ITIH5: variants seen among roughly 807,000 people sequenced by gnomAD.
ITIH5 encodes the protein inter-alpha-trypsin inhibitor heavy chain 5, also known as inter-alpha-trypsin inhibitor heavy chain H5.
Under a neutral mutation model 77.5 loss-of-function variants are expected in ITIH5, and 65 were observed. That is an observed-to-expected ratio of 0.84 (90% CI 0.69 to 1.03). The LOEUF (loss-of-function observed/expected upper bound fraction) is 1.03. ITIH5 is among the 50% of genes least tolerant of loss of function. The probability of loss-of-function intolerance (pLI) is 0.00; values close to 1 mark genes in which losing one functional copy is unlikely to be tolerated. For missense variants in ITIH5, 1,208 were observed against 1,213.1 expected, an observed-to-expected ratio of 1.00 and a Z score of 0.06; for synonymous variants, 525 against 494.3, an observed-to-expected ratio of 1.06 and a Z score of -0.82.
At chr10:7,573,440 G>T (rs1220820317) in intron 10 of ITIH5, among the ~76,000 whole-genome samples, 1 of 151,844 alleles carries the variant, frequency 6.6e-6, no homozygotes, top group Non-Finnish European at 1.5e-5. Context: ...GCCAAGGTGG[G>T]AGGATCACTG....
chr10:7,599,573 C>T (rs777679658), intron 7 of ITIH5, among the ~76,000 whole-genome samples: 1 of 152,182 alleles, frequency 6.6e-6, no homozygotes, highest in Non-Finnish European at 1.5e-5. Context: ...CTCCATCTGC[C>T]TTTGACCTGA....
intron 7 of ITIH5, among the ~76,000 whole-genome samples, chr10:7,599,954 A>G (rs1396153346): frequency 6.6e-6 from 1 of 152,196 alleles, no homozygotes; most frequent in Non-Finnish European, 1.5e-5. Flanking sequence ...GGAAGAAATT[A>G]TAAAAACGGG....
At chr10:7,629,225 G>A (rs72478284) in intron 5 of ITIH5, among the ~76,000 whole-genome samples, 26,174 of 122,908 alleles carry the variant, frequency 0.21, 5,235 homozygotes, top group South Asian at 0.34. Context: ...CTGTTGTAGC[G>A]TGTGCCCATG....
chr10:7,648,269 C>T (rs561698779), intron 2 of ITIH5, among the ~76,000 whole-genome samples: 5 of 151,162 alleles, frequency 3.3e-5, no homozygotes, highest in African/African-American at 1.2e-4. Flanking sequence ...AACACAGAGA[C>T]ACCCTGGCTA....
chr10:7,565,875 CACAT>C (rs959403487), intron 13 of ITIH5, among the ~76,000 whole-genome samples, 151 bp downstream of exon 13: 5 of 151,398 alleles, frequency 3.3e-5, no homozygotes, highest in Non-Finnish European at 4.4e-5. Flanking sequence ...TGTACACACA[CACAT>C]ACATACATAC....
intron 7 of ITIH5, among the ~76,000 whole-genome samples, chr10:7,588,656 C>A (rs1588378636): frequency 6.6e-6 from 1 of 152,272 alleles, no homozygotes. Flanking sequence ...ACTTTCCCAG[C>A]ACTTCTTCAT....
chr10:7,586,148 C>A (rs1348943511), intron 7 of ITIH5, 79 bp from the exon 8 acceptor site: 4 of 1,188,422 alleles, frequency 3.4e-6, no homozygotes, highest in Admixed American at 3.3e-5. Flanking sequence ...ACCGCCCCCG[C>A]CCCCCAGGAA....
rs185711804 is a variant in ITIH5, at chr10:7,640,176, G to A, written c.401+578C>T. 7.5e-3 allele frequency among the ~76,000 whole-genome samples: 875 copies of A among 116,322 alleles called. 3 individuals are homozygous for A. The highest frequency in any genetic ancestry group is 0.013 in the Non-Finnish European group (697 of 53,542). The allele number at this position is 116,322 out of a possible 152,430, so 76.3% of individuals were successfully genotyped here. A position where few individuals can be genotyped will look rare whatever the true frequency, so the allele number is the denominator to read the frequency against. The stretch of plus-strand genomic sequence containing the variant: ...AAAAAAAAAAAAAAAAAAAAACTAC[G>A]TACAGGCCAGGCATAGTGGCTCACA... On this transcript the variant is annotated intron_variant, in intron 4 of 13. Transcript: ENST00000397146.
intron 2 of ITIH5, among the ~76,000 whole-genome samples, chr10:7,642,790 T>C (rs1833911009): frequency 6.6e-6 from 1 of 152,204 alleles, no homozygotes; most frequent in Non-Finnish European, 1.5e-5. Flanking sequence ...ACAACAGAGC[T>C]ACATCTGGTG....
At chr10:7,591,936 T>C (rs1024359444) in intron 7 of ITIH5, among the ~76,000 whole-genome samples, 2 of 152,188 alleles carry the variant, frequency 1.3e-5, no homozygotes, top group African/African-American at 4.8e-5. Context: ...AGTGGTGCTA[T>C]CTTGGCTCAC....
intron 7 of ITIH5, among the ~76,000 whole-genome samples, chr10:7,615,251 C>G (rs953394348): frequency 6.6e-6 from 1 of 151,542 alleles, no homozygotes; most frequent in African/African-American, 2.4e-5. Context: ...AACTCCATCT[C>G]AAAAAAATAA....
intron 2 of ITIH5, among the ~76,000 whole-genome samples, chr10:7,646,926 C>A (rs891437225): frequency 1.3e-5 from 2 of 152,190 alleles, no homozygotes; most frequent in Non-Finnish European, 2.9e-5. Flanking sequence ...AAAGCAGGCA[C>A]AAAGGCACAC....
intron 2 of ITIH5, among the ~76,000 whole-genome samples, chr10:7,649,496 G>A (rs2131097613): frequency 6.7e-6 from 1 of 149,498 alleles, no homozygotes; most frequent in Admixed American, 6.6e-5. Context: ...ATGGGTAAGT[G>A]GATAGATGGA....
intron 5 of ITIH5, among the ~76,000 whole-genome samples, chr10:7,624,836 T>C (rs374144524): frequency 2.1e-4 from 27 of 129,742 alleles, no homozygotes; most frequent in African/African-American, 5.3e-4. Flanking sequence ...TGTATATACA[T>C]GTATATACAC....
intron 3 of ITIH5, among the ~76,000 whole-genome samples, chr10:7,641,366 T>C (rs902527414): frequency 2.6e-5 from 4 of 152,108 alleles, no homozygotes; most frequent in East Asian, 1.9e-4. Context: ...ATCTTTATCA[T>C]ATTTGCAACT....
intron 9 of ITIH5, among the ~76,000 whole-genome samples, chr10:7,577,965 A>C (rs1308605028): frequency 6.6e-6 from 1 of 152,216 alleles, no homozygotes; most frequent in African/African-American, 2.4e-5. Flanking sequence ...TGGCTATGTG[A>C]CTATGTCCTC....
At chr10:7,598,844 T>TA (rs1207992489) in intron 7 of ITIH5, among the ~76,000 whole-genome samples, 1 of 152,238 alleles carries the variant, frequency 6.6e-6, no homozygotes, top group African/African-American at 2.4e-5. Context: ...TAACTTTTTT[T>TA]AAAAAGGCTG....
intron 12 of ITIH5, among the ~76,000 whole-genome samples, chr10:7,568,317 GC>G (rs748558756): frequency 6.6e-6 from 1 of 152,160 alleles, no homozygotes; most frequent in Non-Finnish European, 1.5e-5. Context: ...CTTCTCTGGG[GC>G]AAGGGGTCAG....
intron 2 of ITIH5, among the ~76,000 whole-genome samples, chr10:7,646,872 C>T (rs1834016805): frequency 6.6e-6 from 1 of 152,196 alleles, no homozygotes; most frequent in South Asian, 2.1e-4. Context: ...CATGCCCTGA[C>T]CTCAAAAATC....
Sources: allele counts gnomAD v4.1 joint callset (sites outside exome capture counted in the v4.1 genomes callset), GRCh38; gene constraint gnomAD v4.1.1; transcripts MANE v1.5; gene names NCBI Gene and HGNC (gene_info 2026-07-23, HGNC 2026-07-21).